The following LARGE1 variants were observed in gnomAD, a reference collection of about 807,000 sequenced individuals.
The protein encoded by LARGE1 is LARGE xylosyl- and glucuronyltransferase 1, also known as xylosyl- and glucuronyltransferase LARGE1.
In LARGE1, 43 loss-of-function variants were observed where a neutral mutation model predicts 87.6. That is an observed-to-expected ratio of 0.49 (90% CI 0.38 to 0.63). The LOEUF (loss-of-function observed/expected upper bound fraction) is 0.63. Among genes scored for constraint, LARGE1 ranks in the 30% least tolerant of loss-of-function variants. The pLI, the probability that LARGE1 is intolerant of heterozygous loss-of-function variation, is 0.00. For synonymous variants in LARGE1, 434 were observed against 394.6 expected, an observed-to-expected ratio of 1.10 and a Z score of -1.18; for missense variants, 802 against 1,000.2, an observed-to-expected ratio of 0.80 and a Z score of 2.67.
At chr22:33,414,062 T>C (rs2066403286) in intron 7 of LARGE1, among the ~76,000 whole-genome samples, 2 of 151,770 alleles carry the variant, frequency 1.3e-5, no homozygotes, top group Admixed American at 1.3e-4. Flanking sequence ...TACCCAGGAG[T>C]GGGATTGCTG....
intron 3 of LARGE1, among the ~76,000 whole-genome samples, chr22:33,637,865 G>C (rs992870131): frequency 2.0e-5 from 3 of 152,148 alleles, no homozygotes; most frequent in African/African-American, 7.2e-5. Context: ...ATAAATGCTT[G>C]ACATTTTAAG....
At chr22:33,792,894 G>C (rs2085866936) in intron 1 of LARGE1, among the ~76,000 whole-genome samples, 1 of 152,186 alleles carries the variant, frequency 6.6e-6, no homozygotes, top group African/African-American at 2.4e-5. Flanking sequence ...AAAAAGAAAG[G>C]AGAAGGTGGG....
chr22:33,517,631 A>AC (rs11428136), intron 6 of LARGE1, among the ~76,000 whole-genome samples: 152,253 of 152,254 alleles, frequency 1, 76,126 homozygotes, highest in Non-Finnish European at 1. Context: ...CGAACTCCTG[A>AC]CTTGTGATCC....
At chr22:33,481,928 G>A (rs1569202077) in intron 6 of LARGE1, among the ~76,000 whole-genome samples, 1 of 152,144 alleles carries the variant, frequency 6.6e-6, no homozygotes, top group East Asian at 1.9e-4. Flanking sequence ...TCTGTAGTGA[G>A]GAAACCTGCA....
intron 3 of LARGE1, among the ~76,000 whole-genome samples, chr22:33,633,388 CTT>C (rs540169572): frequency 2.6e-5 from 4 of 152,214 alleles, no homozygotes; most frequent in Admixed American, 6.5e-5. Flanking sequence ...ACTTGTGACT[CTT>C]TGCTTGTCAG....
At chr22:33,589,585 G>A (rs1424829046) in intron 5 of LARGE1, among the ~76,000 whole-genome samples, 2 of 151,744 alleles carry the variant, frequency 1.3e-5, no homozygotes, top group Admixed American at 1.3e-4. Flanking sequence ...ATTCTGCTGT[G>A]AACTCCACTT....
intron 1 of LARGE1, among the ~76,000 whole-genome samples, chr22:33,856,582 G>C (rs899561439): frequency 6.6e-6 from 1 of 152,184 alleles, no homozygotes; most frequent in South Asian, 2.1e-4. Context: ...ACTTAGAGGC[G>C]GACAACGCCA....
intron 11 of LARGE1, among the ~76,000 whole-genome samples, chr22:33,192,011 G>A (rs5998797): frequency 0.032 from 4,847 of 152,124 alleles, 270 homozygotes; most frequent in African/African-American, 0.11. Flanking sequence ...TGAACATTAA[G>A]CATATCTAAA....
At chr22:33,735,533 C>T (rs1475675278) in intron 2 of LARGE1, among the ~76,000 whole-genome samples, 1 of 152,034 alleles carries the variant, frequency 6.6e-6, no homozygotes, top group African/African-American at 2.4e-5. Flanking sequence ...AGAAAATACC[C>T]CAGCAGTGGA....
intron 1 of LARGE1, among the ~76,000 whole-genome samples, chr22:33,815,022 C>T (rs1039221466): frequency 1.2e-4 from 19 of 152,202 alleles, no homozygotes; most frequent in African/African-American, 4.6e-4. Context: ...GCAAGACACA[C>T]TGCCCTCCAA....
At chr22:33,737,977 C>CCA (rs757326819) in intron 2 of LARGE1, among the ~76,000 whole-genome samples, 9 of 151,710 alleles carry the variant, frequency 5.9e-5, no homozygotes, top group East Asian at 3.9e-4. Flanking sequence ...AGACAACCTG[C>CCA]CACACACACA....
intron 1 of LARGE1, among the ~76,000 whole-genome samples, chr22:33,892,226 C>T (rs962618593): frequency 1.3e-5 from 2 of 152,168 alleles, no homozygotes; most frequent in African/African-American, 4.8e-5. Context: ...TCTAGTCATG[C>T]ACCTGCAGGT....
At chr22:33,310,983 C>T (rs1935521918) in intron 11 of LARGE1, among the ~76,000 whole-genome samples, 1 of 148,810 alleles carries the variant, frequency 6.7e-6, no homozygotes, top group Non-Finnish European at 1.5e-5. Flanking sequence ...TTTTTTGAGA[C>T]CGAGTCTCGC....
the LARGE1 span, among the ~76,000 whole-genome samples, chr22:33,078,727 T>C: frequency 5.4e-3 from 816 of 152,302 alleles, 5 homozygotes; most frequent in African/African-American, 0.019. Context: ...ATACCAGAGA[T>C]GCTAAGATTA....
intron 4 of LARGE1, among the ~76,000 whole-genome samples, chr22:33,613,973 G>GC (rs1164473375): frequency 3.9e-5 from 6 of 152,136 alleles, no homozygotes; most frequent in African/African-American, 1.4e-4. Flanking sequence ...ATGGGGGTAT[G>GC]CCCTGGGCCC....
chr22:33,266,743 ACAT>A (rs1467453511), intron 11 of LARGE1, among the ~76,000 whole-genome samples: 4 of 151,708 alleles, frequency 2.6e-5, no homozygotes, highest in Non-Finnish European at 4.4e-5. Flanking sequence ...GGGTTTGGGA[ACAT>A]CATATGAGGC....
At chr22:33,568,513 T>A (rs2078095082) in intron 5 of LARGE1, among the ~76,000 whole-genome samples, 1 of 152,100 alleles carries the variant, frequency 6.6e-6, no homozygotes, top group Non-Finnish European at 1.5e-5. Flanking sequence ...ACGCCTGTAA[T>A]CCCAGAACTT....
chr22:33,789,241 A>G (rs774582409), intron 1 of LARGE1, among the ~76,000 whole-genome samples: 2 of 152,226 alleles, frequency 1.3e-5, no homozygotes, highest in African/African-American at 2.4e-5. Flanking sequence ...GGAGGGTGCA[A>G]GGCTGAAGCC....
intron 7 of LARGE1, among the ~76,000 whole-genome samples, chr22:33,384,737 C>T (rs1181522080): frequency 6.7e-6 from 1 of 148,488 alleles, no homozygotes; most frequent in Non-Finnish European, 1.5e-5. Flanking sequence ...TACGTTTAAA[C>T]ATGGTTAACA....
Sources: allele counts gnomAD v4.1 joint callset (sites outside exome capture counted in the v4.1 genomes callset), GRCh38; gene constraint gnomAD v4.1.1; transcripts MANE v1.5; gene names NCBI Gene and HGNC (gene_info 2026-07-23, HGNC 2026-07-21).